The following STON2 variants were observed in gnomAD, a reference collection of about 807,000 sequenced individuals.
STON2 encodes the protein stonin-2.
A neutral mutation model predicts 65.7 loss-of-function variants in STON2; 29 were observed. That is an observed-to-expected ratio of 0.44 (90% CI 0.33 to 0.60). The LOEUF (loss-of-function observed/expected upper bound fraction) is 0.60. STON2 is among the 20% of genes least tolerant of loss of function. The pLI, the probability that STON2 is intolerant of heterozygous loss-of-function variation, is 0.03. For synonymous variants in STON2, 404 were observed against 414.2 expected (o/e 0.98, Z 0.30); for missense variants, 1,054 against 1,118.1 (o/e 0.94, Z 0.82).
intron 3 of STON2, among the ~76,000 whole-genome samples, chr14:81,373,316 C>A (rs1166058607): frequency 6.6e-6 from 1 of 151,740 alleles, no homozygotes. Flanking sequence ...AACCCCCACC[C>A]CAAACATAGA....
At chr14:81,317,419 T>C (rs910386023) in intron 5 of STON2, among the ~76,000 whole-genome samples, 1 of 152,220 alleles carries the variant, frequency 6.6e-6, no homozygotes, top group Non-Finnish European at 1.5e-5. Context: ...GAATGATCAA[T>C]AGCAAAGCCT....
intron 3 of STON2, among the ~76,000 whole-genome samples, chr14:81,377,197 A>G (rs1057145027): frequency 2.0e-5 from 3 of 152,218 alleles, no homozygotes; most frequent in African/African-American, 7.2e-5. Flanking sequence ...ACCTTTGACA[A>G]CCACTAATCT....
chr14:81,277,364 C>G lies in STON2; in HGVS notation c.2118G>C (p.Gly706=), dbSNP rs1273256919. The G allele has an allele frequency of 6.2e-7, 1 of 1,614,178 alleles. No individual in the cohort carries two copies. Among genetic ancestry groups the G allele is most frequent in the East Asian group, 2.2e-5 (1 of 44,872 alleles). Residue 706 remains glycine (G), a synonymous_variant, in exon 6 of 8, where the codon GGG becomes GGC. Coordinates refer to ENST00000614646, the MANE Select transcript of STON2 (RefSeq NM_001394390.1). The part of the protein sequence containing the change: ...WIKLHECRFH[G]CVDEDVFHNS... ...TGTGGAAAACATCCTCATCCACACA[C>G]CCATGGAAACGGCACTCATGGAGCT...
At chr14:81,393,667 G>A (rs1195084246) in intron 3 of STON2, among the ~76,000 whole-genome samples, 4 of 152,212 alleles carry the variant, frequency 2.6e-5, no homozygotes, top group Non-Finnish European at 5.9e-5. Flanking sequence ...AAGGCACTGA[G>A]CACAGAAACT....
intron 4 of STON2, among the ~76,000 whole-genome samples, chr14:81,337,941 A>G (rs922043952): frequency 6.6e-6 from 1 of 152,222 alleles, no homozygotes; most frequent in Non-Finnish European, 1.5e-5. Flanking sequence ...ATAAATAAAA[A>G]AAGAAAACAA....
chr14:81,286,446 A>G (rs982461539), intron 5 of STON2, among the ~76,000 whole-genome samples: 6 of 152,180 alleles, frequency 3.9e-5, no homozygotes, highest in African/African-American at 1.4e-4. Context: ...GAAAAAGATT[A>G]TGTCTTGCTG....
chr14:81,331,346 C>T (rs974570061), intron 4 of STON2, among the ~76,000 whole-genome samples: 2 of 152,306 alleles, frequency 1.3e-5, no homozygotes, highest in African/African-American at 4.8e-5. Context: ...TTTACATTTG[C>T]TCTTTTAATT....
chr14:81,421,268 G>A (rs765490236), intron 2 of STON2, among the ~76,000 whole-genome samples: 1 of 152,202 alleles, frequency 6.6e-6, no homozygotes, highest in African/African-American at 2.4e-5. Flanking sequence ...AACTATAGGT[G>A]ATTTACTTTG....
chr14:81,288,007 G>A (rs1434344779), intron 5 of STON2, among the ~76,000 whole-genome samples: 2 of 152,186 alleles, frequency 1.3e-5, no homozygotes, highest in African/African-American at 2.4e-5. Context: ...GTCTCACGCC[G>A]AGGGCAGGGA....
In STON2 at chr14:81,277,704, T is replaced by C. The variant is rs1894909094; in HGVS notation, c.1778A>G (p.Asp593Gly). 6.2e-7 allele frequency: 1 copy of C among 1,614,006 alleles called. No homozygotes were observed. The highest frequency in any genetic ancestry group is 1.7e-5 in the Admixed American group (1 of 59,990). ...QVIKLGTTNYDDFLSFIHAVQ... is the reference protein window; with the variant it reads ...QVIKLGTTNYGDFLSFIHAVQ... ...TGCATGGATGAAACTCAGGAAGTCA[T>C]CGTAATTGGTGGTGCCCAGCTTAAT... is the stretch of plus-strand genomic sequence containing the variant. The change falls in exon 6 of 8, where the codon GAT (aspartate) becomes GGT (glycine). Residue 593 changes from aspartate to glycine, a missense_variant. Transcript: ENST00000614646.
chr14:81,372,335 C>T (rs1175086588), intron 3 of STON2, among the ~76,000 whole-genome samples: 2 of 152,070 alleles, frequency 1.3e-5, no homozygotes, highest in Non-Finnish European at 2.9e-5. Flanking sequence ...GGGTGGATCA[C>T]CTGAGGTCAG....
intron 5 of STON2, among the ~76,000 whole-genome samples, chr14:81,304,808 G>GT (rs1045272502): frequency 2.6e-5 from 4 of 152,024 alleles, no homozygotes; most frequent in Admixed American, 6.6e-5. Flanking sequence ...TTGTTATTCT[G>GT]TTTTTTTGGC....
In STON2 at chr14:81,266,413, A is replaced by G. The variant is rs1370188579; in HGVS notation, c.*2001T>C. 6.6e-6 allele frequency among the ~76,000 whole-genome samples: 1 copy of G among 152,170 alleles called. No homozygotes were observed. Among genetic ancestry groups the G allele is most frequent in the Non-Finnish European group, 1.5e-5 (1 of 68,022 alleles). ...AATTCCTCTTCCTTTTCATAGCTCA[A>G]TAGAAATTTCTAGGCAGCTATTGTA... On this transcript the variant is annotated 3_prime_UTR_variant, in exon 8 of 8. Coordinates refer to ENST00000614646, the MANE Select transcript of STON2 (RefSeq NM_001394390.1).
chr14:81,300,144 C>A (rs1022349530), intron 5 of STON2, among the ~76,000 whole-genome samples: 1 of 151,908 alleles, frequency 6.6e-6, no homozygotes, highest in East Asian at 1.9e-4. Context: ...AGTGGACCCA[C>A]GCATGTAAAG....
At chr14:81,291,902 C>A (rs953655942) in intron 5 of STON2, among the ~76,000 whole-genome samples, 3 of 144,986 alleles carry the variant, frequency 2.1e-5, no homozygotes, top group African/African-American at 7.8e-5. Context: ...CACACACACA[C>A]GGATATCACC....
intron 2 of STON2, among the ~76,000 whole-genome samples, chr14:81,397,561 G>A (rs1008593351): frequency 1.3e-5 from 2 of 152,118 alleles, no homozygotes; most frequent in Admixed American, 6.5e-5. Flanking sequence ...CATACCTGTC[G>A]ACTCACACTT....
In STON2 at chr14:81,265,406, G is replaced by GCTACTC; in HGVS notation, c.*3007_*3008insGAGTAG. 1 of 927,594 alleles carries GCTACTC rather than the reference G, an allele frequency of 1.1e-6. No individual in the cohort carries two copies. The highest frequency in any genetic ancestry group is 1.3e-6 in the Non-Finnish European group (1 of 777,552). 57.5% of individuals were successfully genotyped at this position (927,594 alleles called of 1,614,324 possible). A position where few individuals can be genotyped will look rare whatever the true frequency, so the allele number is the denominator to read the frequency against. ...ATGGTGGCTCACGCCTGTAATCCCA[G>GCTACTC]AGCTTTGGGAGACTGAGGCAGGCTT... On this transcript the variant is annotated 3_prime_UTR_variant, in exon 8 of 8. Coordinates refer to ENST00000614646, the MANE Select transcript of STON2 (RefSeq NM_001394390.1).
At chr14:81,377,758 T>C (rs116256465) in intron 3 of STON2, among the ~76,000 whole-genome samples, 3,680 of 152,310 alleles carry the variant, frequency 0.024, 167 homozygotes, top group African/African-American at 0.083. Context: ...CCCTAATGGA[T>C]AATGATATTG....
intron 2 of STON2, among the ~76,000 whole-genome samples, chr14:81,422,868 C>T (rs746961043): frequency 1.6e-4 from 25 of 151,954 alleles, no homozygotes; most frequent in Non-Finnish European, 1.8e-4. Flanking sequence ...CCCGTCTCTA[C>T]TAAAGATACA....
Sources: allele counts gnomAD v4.1 joint callset (sites outside exome capture counted in the v4.1 genomes callset), GRCh38; gene constraint gnomAD v4.1.1; transcripts MANE v1.5; gene names NCBI Gene and HGNC (gene_info 2026-07-23, HGNC 2026-07-21).